The following PBX1 variants were observed in gnomAD, a reference collection of about 807,000 sequenced individuals.
PBX1 encodes pre-B-cell leukemia transcription factor 1.
PBX1 carries 6 observed loss-of-function variants against 53.4 expected under a neutral mutation model. The observed-to-expected ratio is 0.11, with a 90% CI of 0.06 to 0.22. PBX1 has a LOEUF of 0.22. PBX1 is among the 10% of genes least tolerant of loss of function. The pLI is 1.00. For missense variants in PBX1, 251 were observed against 551.4 expected, an observed-to-expected ratio of 0.46 and a Z score of 5.46; for synonymous variants, 204 against 212.3, an observed-to-expected ratio of 0.96 and a Z score of 0.34.
Position 164,848,851 on chromosome 1 carries a change from G to C in PBX1, c.*2175G>C, listed in dbSNP as rs1467549020. On this transcript the variant is annotated 3_prime_UTR_variant, in exon 9 of 9. Transcript: ENST00000420696. ...AACACTGTGTGTGCTCAGGGGAGCA[G>C]GGGATGCCACTGAAGAAACTCAAGG... The C allele has an allele frequency of 5.1e-5, 54 of 1,065,506 alleles. No individual in the cohort carries two copies. Among genetic ancestry groups the C allele is most frequent in the Non-Finnish European group, 5.9e-5 (52 of 879,606 alleles). The allele number at this position is 1,065,506 out of a possible 1,614,324, so 66.0% of individuals were successfully genotyped here.
intron 2 of PBX1, among the ~76,000 whole-genome samples, chr1:164,668,209 G>A (rs1351376427): frequency 2.6e-5 from 4 of 152,172 alleles, no homozygotes; most frequent in Admixed American, 6.5e-5. Context: ...TCTGTGGAAT[G>A]AGCATAAAGT....
intron 2 of PBX1, among the ~76,000 whole-genome samples, chr1:164,578,474 A>G (rs370050612): frequency 6.6e-6 from 1 of 152,116 alleles, no homozygotes; most frequent in Non-Finnish European, 1.5e-5. Flanking sequence ...TCTTTATTCC[A>G]TTTTGGTCTA....
intron 2 of PBX1, among the ~76,000 whole-genome samples, chr1:164,588,646 T>G (rs556838952): frequency 4.3e-4 from 66 of 152,088 alleles, no homozygotes; most frequent in African/African-American, 1.4e-3. Flanking sequence ...ACAAGTCTGC[T>G]GTGGCTTTAT....
intron 2 of PBX1, among the ~76,000 whole-genome samples, chr1:164,885,354 G>A (rs1417229662): frequency 1.3e-5 from 2 of 152,126 alleles, no homozygotes; most frequent in African/African-American, 4.8e-5. Flanking sequence ...AACTTCTCTG[G>A]GAAATATTTC....
intron 3 of PBX1, 152 bp downstream of exon 3, chr1:164,792,890 C>A: frequency 1.6e-6 from 1 of 640,936 alleles, no homozygotes; most frequent in Non-Finnish European, 2.6e-6. Flanking sequence ...AGAGCCCTGG[C>A]CAAACTTGAG....
chr1:164,609,916 A>C (rs1423255251), intron 2 of PBX1, among the ~76,000 whole-genome samples: 1 of 152,208 alleles, frequency 6.6e-6, no homozygotes, highest in Non-Finnish European at 1.5e-5. Context: ...GGCATCTTCA[A>C]CAGACAGGAG....
rs187578909 is a variant in PBX1 at position 164,874,482 on chromosome 1, T to C, written n.258-24706T>C. 7.9e-4 allele frequency among the ~76,000 whole-genome samples: 121 copies of C among 152,270 alleles called. 1 individual carries two copies. The East Asian group carries it at 0.023, about 28-fold the overall frequency. On this transcript the variant is annotated intron_variant and non_coding_transcript_variant, in intron 2 of 2. Coordinates refer to the PBX1 transcript ENST00000558796. ...ATTCTTACTGTATAATTTTTGTTCG[T>C]TTGTTTCTTTCTTTCTTTTTGTTTG...
intron 6 of PBX1, chr1:164,818,765 T>C (rs1669999658): frequency 6.6e-6 from 1 of 152,038 alleles, no homozygotes; most frequent in African/African-American, 2.4e-5. Flanking sequence ...CAGTGCATTG[T>C]GTCAGAGTTT....
At chr1:164,783,337 T>A (rs1476223735) in intron 2 of PBX1, among the ~76,000 whole-genome samples, 1 of 150,822 alleles carries the variant, frequency 6.6e-6, no homozygotes, top group Admixed American at 6.6e-5. Flanking sequence ...CCTTTGACGG[T>A]ATCAGTGTGA....
At chr1:164,802,846 T>C (rs1313815085) in intron 4 of PBX1, among the ~76,000 whole-genome samples, 1 of 152,164 alleles carries the variant, frequency 6.6e-6, no homozygotes, top group Non-Finnish European at 1.5e-5. Flanking sequence ...ACTTGGTAAG[T>C]TTATTATCAG....
At chr1:164,858,641 T>C (rs1672028531) in intron 2 of PBX1, among the ~76,000 whole-genome samples, 3 of 152,190 alleles carry the variant, frequency 2.0e-5, no homozygotes, top group African/African-American at 4.8e-5. Flanking sequence ...CTGTGCAGTG[T>C]GGCCCACCTA....
At position 164,678,517 on chromosome 1, in the gene PBX1, T is replaced by C. The variant is rs137927548; in HGVS notation, c.266-113977T>C. Among the ~76,000 whole-genome samples, 193 of 152,342 alleles carry C rather than the reference T, an allele frequency of 1.3e-3. 2 individuals are homozygous for C. The highest frequency in any genetic ancestry group is 3.3e-3 in the Admixed American group (51 of 15,302). On this transcript the variant is annotated intron_variant, in intron 2 of 8. Transcript: ENST00000420696. ...GAGCCATTGGCCTTCTTCACGTGAC[T>C]GGCTGAGAACATGAGCTGGTAACCA...
At chr1:164,576,175 G>A (rs1398183569) in intron 2 of PBX1, among the ~76,000 whole-genome samples, 1 of 152,204 alleles carries the variant, frequency 6.6e-6, no homozygotes, top group Non-Finnish European at 1.5e-5. Context: ...ACATGGCCTT[G>A]TGCTAAGACG....
At chr1:164,738,315 A>T (rs1370511908) in intron 2 of PBX1, among the ~76,000 whole-genome samples, 2 of 152,048 alleles carry the variant, frequency 1.3e-5, no homozygotes, top group Non-Finnish European at 2.9e-5. Flanking sequence ...CTATTTGGAG[A>T]CAGGGTCTCT....
intron 2 of PBX1, among the ~76,000 whole-genome samples, chr1:164,747,391 A>G (rs1314977376): frequency 6.6e-6 from 1 of 152,062 alleles, no homozygotes; most frequent in Non-Finnish European, 1.5e-5. Context: ...TCAAAGTACA[A>G]AAAGGTAGAC....
chr1:164,686,163 AACACCCAGTAGGTGC>A (rs1662080558), intron 2 of PBX1, among the ~76,000 whole-genome samples: 1 of 152,230 alleles, frequency 6.6e-6, no homozygotes, highest in Admixed American at 6.5e-5. Context: ...GTAAAGGCCT[AACACCCAGTAGGTGC>A]TCACTAAATG....
chr1:164,630,089 G>C (rs1658312935), intron 2 of PBX1, among the ~76,000 whole-genome samples: 1 of 152,102 alleles, frequency 6.6e-6, no homozygotes, highest in Non-Finnish European at 1.5e-5. Context: ...ATGTTATTTT[G>C]CAAAGTCATT....
In PBX1 at chr1:164,847,176, A is replaced by G; in HGVS notation, c.*500A>G. ...TCTCTTATTACTCTCACTACCTCTT[A>G]GCAGGAATACTCCACATTGCCCTAT... On this transcript the variant is annotated 3_prime_UTR_variant, in exon 9 of 9. Coordinates refer to ENST00000420696, the MANE Select transcript of PBX1 (RefSeq NM_002585.4). 1 of 1,085,194 alleles carries G rather than the reference A, an allele frequency of 9.2e-7. No homozygotes were observed. The highest frequency in any genetic ancestry group is 1.1e-6 in the Non-Finnish European group (1 of 889,094). The allele number at this position is 1,085,194 out of a possible 1,614,324, so 67.2% of individuals were successfully genotyped here.
At chr1:164,832,203 T>A (rs1480469585) in intron 8 of PBX1, among the ~76,000 whole-genome samples, 1 of 152,176 alleles carries the variant, frequency 6.6e-6, no homozygotes. Context: ...AAGAACCTTA[T>A]AGTGAAAGAA....
Sources: allele counts gnomAD v4.1 joint callset (sites outside exome capture counted in the v4.1 genomes callset), GRCh38; gene constraint gnomAD v4.1.1; transcripts MANE v1.5; gene names NCBI Gene and HGNC (gene_info 2026-07-23, HGNC 2026-07-21).